Variants in MAP7 observed in about 807,000 individuals in gnomAD.
MAP7 encodes the protein microtubule associated protein 7.
Under a neutral mutation model 94.8 loss-of-function variants are expected in MAP7, and 52 were observed. That is an observed-to-expected ratio of 0.55 (90% CI 0.44 to 0.69). The LOEUF (loss-of-function observed/expected upper bound fraction) is 0.69, where lower values mean the gene tolerates loss of function less well. Among genes scored for constraint, MAP7 ranks in the 30% least tolerant of loss-of-function variants. The probability of loss-of-function intolerance (pLI) is 0.00; values close to 1 mark genes in which losing one functional copy is unlikely to be tolerated. For missense variants in MAP7, 940 were observed against 964.6 expected, an observed-to-expected ratio of 0.97 and a Z score of 0.34; for synonymous variants, 350 against 357.0, an observed-to-expected ratio of 0.98 and a Z score of 0.22.
intron 1 of MAP7, among the ~76,000 whole-genome samples, chr6:136,448,336 G>A (rs144498936): frequency 1.1e-3 from 174 of 151,942 alleles, no homozygotes; most frequent in African/African-American, 3.8e-3. Flanking sequence ...TTGGCAACAC[G>A]ATTATTAAAC....
intron 1 of MAP7, among the ~76,000 whole-genome samples, chr6:136,471,579 A>G (rs1809021471): frequency 6.6e-6 from 1 of 152,096 alleles, no homozygotes; most frequent in South Asian, 2.1e-4. Context: ...CAAGTTATAT[A>G]GTACCTTGGA....
At chr6:136,504,658 A>G (rs1211279964) in intron 1 of MAP7, among the ~76,000 whole-genome samples, 1 of 149,454 alleles carries the variant, frequency 6.7e-6, no homozygotes, top group Admixed American at 6.7e-5. Flanking sequence ...TCCCATAAAT[A>G]TATCTTTTAA....
chr6:136,526,015 T>C (rs1314133737), intron 1 of MAP7: 6 of 1,473,628 alleles, frequency 4.1e-6, no homozygotes, highest in Non-Finnish European at 5.3e-6. Flanking sequence ...ATTAAAAATA[T>C]ATGCTTATGT....
chr6:136,476,056 C>G (rs1382622148), intron 1 of MAP7: 1 of 152,230 alleles, frequency 6.6e-6, no homozygotes, highest in African/African-American at 2.4e-5. Flanking sequence ...GAAAGCATAG[C>G]ATTAAGCAGA....
chr6:136,516,229 T>A (rs1824780770), intron 1 of MAP7, among the ~76,000 whole-genome samples: 1 of 152,036 alleles, frequency 6.6e-6, no homozygotes, highest in African/African-American at 2.4e-5. Flanking sequence ...GCTACGATCA[T>A]GGCTCACTGC....
chr6:136,508,185 C>CATGCTA (rs1822154993), intron 1 of MAP7, among the ~76,000 whole-genome samples: 1 of 151,840 alleles, frequency 6.6e-6, no homozygotes, highest in African/African-American at 2.4e-5. Context: ...ATTAGCGGGG[C>CATGCTA]ATGGTGGCGC....
intron 11 of MAP7, 112 bp downstream of exon 11, chr6:136,362,338 G>A: frequency 7.3e-7 from 1 of 1,365,260 alleles, no homozygotes; most frequent in Non-Finnish European, 1.0e-6. Flanking sequence ...AATCCTGAAA[G>A]AACTAATCCA....
At chr6:136,347,043 T>C (rs1042736180) in intron 16 of MAP7, among the ~76,000 whole-genome samples, 2 of 152,202 alleles carry the variant, frequency 1.3e-5, no homozygotes, top group African/African-American at 4.8e-5. Flanking sequence ...GGATTTATTT[T>C]TGAGATATAC....
At chr6:136,536,720 T>C (rs1273108580) in intron 1 of MAP7, among the ~76,000 whole-genome samples, 2 of 152,216 alleles carry the variant, frequency 1.3e-5, no homozygotes, top group Admixed American at 1.3e-4. Flanking sequence ...AGACTTTATC[T>C]AGCACACTGG....
chr6:136,345,713 G>T, intron 17 of MAP7, 143 bp downstream of exon 17: 1 of 757,938 alleles, frequency 1.3e-6, no homozygotes, highest in Non-Finnish European at 2.3e-6. Flanking sequence ...TATGAGCCAG[G>T]CACAATCTCT....
At chr6:136,413,388 G>A (rs1418971105) in intron 2 of MAP7, among the ~76,000 whole-genome samples, 1 of 151,792 alleles carries the variant, frequency 6.6e-6, no homozygotes, top group Non-Finnish European at 1.5e-5. Flanking sequence ...CCAGTGTGGT[G>A]GCACATGCCT....
At chr6:136,402,945 A>G (rs71576396) in intron 3 of MAP7, among the ~76,000 whole-genome samples, 1 of 145,628 alleles carries the variant, frequency 6.9e-6, no homozygotes, top group Non-Finnish European at 1.5e-5. Flanking sequence ...AAAAAAAGAA[A>G]GAAAAAGAAA....
At chr6:136,421,122 T>G (rs2128769705) in intron 2 of MAP7, among the ~76,000 whole-genome samples, 1 of 152,370 alleles carries the variant, frequency 6.6e-6, no homozygotes, top group South Asian at 2.1e-4. Flanking sequence ...ACAGACTGTT[T>G]GCTTCTTTGT....
intron 1 of MAP7, among the ~76,000 whole-genome samples, chr6:136,484,606 G>A (rs1184360670): frequency 6.6e-6 from 1 of 152,222 alleles, no homozygotes; most frequent in Non-Finnish European, 1.5e-5. Context: ...GTTGTTTTCT[G>A]TACTTGAATA....
intron 15 of MAP7, among the ~76,000 whole-genome samples, chr6:136,357,664 A>T (rs1355206093): frequency 6.6e-6 from 1 of 151,644 alleles, no homozygotes; most frequent in Admixed American, 6.6e-5. Context: ...CCAGCTAATT[A>T]AAAAAAAATT....
chr6:136,363,046 C>T (rs1231468871), intron 10 of MAP7, among the ~76,000 whole-genome samples: 1 of 152,148 alleles, frequency 6.6e-6, no homozygotes, highest in Non-Finnish European at 1.5e-5. Flanking sequence ...TGAGATCATC[C>T]ATTTGTCTTT....
At chr6:136,414,929 C>T (rs1394987952) in intron 2 of MAP7, among the ~76,000 whole-genome samples, 8 of 151,990 alleles carry the variant, frequency 5.3e-5, no homozygotes, top group Admixed American at 5.2e-4. Context: ...ATTCTCCTGC[C>T]TCAGCCTCCC....
intron 1 of MAP7, among the ~76,000 whole-genome samples, chr6:136,460,037 ACCCACTTTTGAAT>A (rs767747756): frequency 6.6e-6 from 1 of 152,166 alleles, no homozygotes. Flanking sequence ...CTTTTGAGGC[ACCCACTTTTGAAT>A]CCCACTTTTG....
chr6:136,355,675 AT>A (rs1339749601), intron 16 of MAP7, among the ~76,000 whole-genome samples: 1 of 152,224 alleles, frequency 6.6e-6, no homozygotes, highest in Non-Finnish European at 1.5e-5. Context: ...GATTAAGAAA[AT>A]AATTTGAGGA....
Sources: allele counts gnomAD v4.1 joint callset (sites outside exome capture counted in the v4.1 genomes callset), GRCh38; gene constraint gnomAD v4.1.1; transcripts MANE v1.5; gene names NCBI Gene and HGNC (gene_info 2026-07-23, HGNC 2026-07-21).